OTP: variants seen among roughly 807,000 people sequenced by gnomAD.
The protein encoded by OTP is homeobox protein orthopedia.
Under a neutral mutation model 22.3 loss-of-function variants are expected in OTP, and 5 were observed. That is an observed-to-expected ratio of 0.22 (90% confidence interval 0.12 to 0.47). The LOEUF (loss-of-function observed/expected upper bound fraction) is 0.47. Among genes scored for constraint, OTP ranks in the 20% least tolerant of loss-of-function variants. The pLI is 0.99. For synonymous variants in OTP, 229 were observed against 210.6 expected, an observed-to-expected ratio of 1.09 and a Z score of -0.76; for missense variants, 428 against 456.2, an observed-to-expected ratio of 0.94 and a Z score of 0.56.
chr5:77,636,715 G>C (rs1745013262), intron 2 of OTP, 106 bp downstream of exon 2: 1 of 1,194,870 alleles, frequency 8.4e-7, no homozygotes, highest in South Asian at 1.5e-5. Flanking sequence ...CAGGCAGCCT[G>C]AAAGCAGCCC....
rs1208046985 is a variant in OTP, at chr5:77,637,243, G to C, written c.38-13C>G. On this transcript the variant is annotated splice_polypyrimidine_tract_variant and intron_variant, in intron 1 of 2. Coordinates refer to ENST00000306422, the MANE Select transcript of OTP (RefSeq NM_032109.3). The stretch of plus-strand genomic sequence containing the variant: ...GCATCTTTCATACCTGAGGAGGCAA[G>C]GGGATCGCGGTCACTACTTTCTTGG... The C allele has an allele frequency of 6.8e-7, 1 of 1,476,002 alleles. No homozygotes were observed. The highest frequency in any genetic ancestry group is 2.6e-5 in the Admixed American group (1 of 38,720). 91.4% of individuals were successfully genotyped at this position (1,476,002 alleles called of 1,614,324 possible).
Position 77,630,548 on chromosome 5 carries a change from T to G in OTP, c.694A>C (p.Met232Leu). Residue 232 changes from methionine (M) to leucine (L), a missense_variant, in exon 3 of 3, where the codon ATG becomes CTG. Around this residue, in one of 3 missense-constraint regions of OTP, gnomAD observed 236 missense variants for 238.1 expected, o/e 0.99. Coordinates refer to ENST00000306422, the MANE Select transcript of OTP (RefSeq NM_032109.3). ...LPPALGRQQA[M>L]AQSLSQCSLA... is the part of the protein sequence containing the mutation. Reference sequence around the variant, plus strand: ...CTGCACTGGGACAGCGACTGCGCCATGGCCTGCTGCCTGCCCAGCGCCGGC... The same window carrying G: ...CTGCACTGGGACAGCGACTGCGCCAGGGCCTGCTGCCTGCCCAGCGCCGGC... 1 of 1,576,402 alleles carries G rather than the reference T, an allele frequency of 6.3e-7. No individual in the cohort carries two copies. The highest frequency in any genetic ancestry group is 1.1e-5 in the South Asian group (1 of 86,986).
chr5:77,638,586 A>G lies in OTP; in HGVS notation c.-37T>C. 6.5e-7 allele frequency: 1 copy of G among 1,540,444 alleles called. No individual in the cohort carries two copies. The highest frequency in any genetic ancestry group is 8.7e-7 in the Non-Finnish European group (1 of 1,148,382). On this transcript the variant is annotated 5_prime_UTR_variant, in exon 1 of 3. Transcript: ENST00000306422. The stretch of plus-strand genomic sequence containing the variant: ...CCAGGGCGAAAGCTGTTCCCCCCCA[A>G]ATTTTAGCGGCTTTAAGTTATTTAA...
chr5:77,636,705 C>T, intron 2 of OTP, 116 bp downstream of exon 2: 1 of 1,040,352 alleles, frequency 9.6e-7, no homozygotes. Flanking sequence ...CAGGAACGCA[C>T]AGGCAGCCTG....
At position 77,629,068 on chromosome 5, in the gene OTP, AGG is replaced by A. The variant is rs1418488670; in HGVS notation, c.*1194_*1195del. ...CCCATCGGCTGCCAGCAGGTGGCCG[AGG>A]GGCACGAGGGACGACAGGACCACCA... On this transcript the variant is annotated 3_prime_UTR_variant, in exon 3 of 3. Coordinates refer to ENST00000306422, the MANE Select transcript of OTP (RefSeq NM_032109.3). 1 of 151,908 alleles carries A rather than the reference AGG, an allele frequency of 6.6e-6. No individual in the cohort carries two copies. Among genetic ancestry groups the A allele is most frequent in the African/African-American group, 2.4e-5 (1 of 41,256 alleles). 9.4% of individuals were successfully genotyped at this position (151,908 alleles called of 1,614,324 possible). A position where few individuals can be genotyped will look rare whatever the true frequency, so the allele number is the denominator to read the frequency against.
In OTP at chr5:77,630,109, C is replaced by G; in HGVS notation, c.*155G>C. 2.9e-6 allele frequency: 1 copy of G among 347,796 alleles called. No homozygotes were observed. Among genetic ancestry groups the G allele is most frequent in the Middle Eastern group, 8.5e-4 (1 of 1,170 alleles). 21.5% of individuals were successfully genotyped at this position (347,796 alleles called of 1,614,324 possible). A position where few individuals can be genotyped will look rare whatever the true frequency, so the allele number is the denominator to read the frequency against. On this transcript the variant is annotated 3_prime_UTR_variant, in exon 3 of 3. Coordinates refer to ENST00000306422, the MANE Select transcript of OTP (RefSeq NM_032109.3). ...CGCGGGCTGGGGCTTGGGGTGAGCCCGAGCGAGTGGAGGAGAGAGGCGAGG... is the reference window on the plus strand; with the variant it reads ...CGCGGGCTGGGGCTTGGGGTGAGCCGGAGCGAGTGGAGGAGAGAGGCGAGG...
At position 77,637,245 on chromosome 5, in the gene OTP, G is replaced by C; in HGVS notation, c.38-15C>G. The stretch of plus-strand genomic sequence containing the variant: ...ATCTTTCATACCTGAGGAGGCAAGG[G>C]GATCGCGGTCACTACTTTCTTGGCG... On this transcript the variant is annotated splice_polypyrimidine_tract_variant and intron_variant, in intron 1 of 2. Coordinates refer to ENST00000306422, the MANE Select transcript of OTP (RefSeq NM_032109.3). 1 of 1,475,340 alleles carries C rather than the reference G, an allele frequency of 6.8e-7. No homozygotes were observed. Among genetic ancestry groups the C allele is most frequent in the Non-Finnish European group, 9.0e-7 (1 of 1,113,092 alleles). 91.4% of individuals were successfully genotyped at this position (1,475,340 alleles called of 1,614,324 possible).
At chr5:77,635,813 G>A (rs1246117357) in intron 2 of OTP, 1 of 152,010 alleles carries the variant, frequency 6.6e-6, no homozygotes, top group Non-Finnish European at 1.5e-5. Flanking sequence ...TCAGCACCCT[G>A]GATAGCTCAA....
At chr5:77,635,830 G>C (rs769107239) in intron 2 of OTP, 2 of 151,758 alleles carry the variant, frequency 1.3e-5, no homozygotes, top group Non-Finnish European at 2.9e-5. Context: ...TCAAGAGTGA[G>C]TACCGGCGCT....
intron 2 of OTP, among the ~76,000 whole-genome samples, chr5:77,632,404 C>A (rs1580063064): frequency 1.3e-5 from 2 of 152,226 alleles, no homozygotes; most frequent in East Asian, 3.9e-4. Flanking sequence ...TGAGTTTCCT[C>A]TTAGAATTTG....
At chr5:77,631,733 T>C (rs913318404) in intron 2 of OTP, among the ~76,000 whole-genome samples, 1 of 151,368 alleles carries the variant, frequency 6.6e-6, no homozygotes, top group Non-Finnish European at 1.5e-5. Context: ...CCCAGATAAT[T>C]TTTGTACTTT....
intron 1 of OTP, among the ~76,000 whole-genome samples, chr5:77,638,034 A>T (rs146416105): frequency 0.014 from 2,069 of 152,204 alleles, 108 homozygotes; most frequent in Admixed American, 0.089. Context: ...CAACCAGCAC[A>T]CTTAGCAAAT....
intron 1 of OTP, among the ~76,000 whole-genome samples, chr5:77,638,155 A>C (rs1229921629): frequency 6.6e-6 from 1 of 150,740 alleles, no homozygotes; most frequent in Non-Finnish European, 1.5e-5. Context: ...GGGGGGAGGG[A>C]AGGAGAAAGA....
chr5:77,630,498 G>C lies in OTP; in HGVS notation c.744C>G (p.Asn248Lys), dbSNP rs765186282. The change falls in exon 3 of 3, where the codon AAC becomes AAG. Residue 248 changes from asparagine to lysine, a missense_variant. Asn to Lys is a moderately conservative substitution (Grantham distance 94). This residue lies in a region of OTP where 236 missense variants were observed against 238.1 expected (regional missense o/e 0.99). Transcript: ENST00000306422. ...CCAGGCTGTTGGACAGGCCCATGGA[G>C]TTGGGCGGCGGACCGGCCGCCAGGC... Reference protein sequence around the residue: ...QCSLAAGPPPNSMGLSNSLAG... With the variant: ...QCSLAAGPPPKSMGLSNSLAG... The C allele has an allele frequency of 6.9e-6, 11 of 1,593,272 alleles. No homozygotes were observed. In the Admixed American group the frequency reaches 1.9e-4, roughly 28 times the overall value.
intron 2 of OTP, 41 bp from the exon 3 acceptor site, chr5:77,630,835 C>T (rs766811700): frequency 3.4e-6 from 5 of 1,487,442 alleles, no homozygotes; most frequent in Admixed American, 2.3e-5. Flanking sequence ...GAGCTATTAG[C>T]CGGCCCGGCG....
chr5:77,637,154 G>A lies in OTP; in HGVS notation c.114C>T (p.Pro38=), dbSNP rs995976957. Residue 38 remains proline (P), a synonymous_variant, in exon 2 of 3, where the codon CCC becomes CCT. Coordinates refer to ENST00000306422, the MANE Select transcript of OTP (RefSeq NM_032109.3). ...KCRLGVGGSD[P]GGHPGDLAPN... is the part of the protein sequence containing the mutation. ...GCGCCAGGTCCCCCGGATGGCCCCC[G>A]GGGTCGGAGCCCCCCACGCCCAGCC... 3.8e-6 allele frequency: 6 copies of A among 1,587,414 alleles called. No homozygotes were observed. The African/African-American group carries it at 5.4e-5, about 14-fold the overall frequency.
intron 1 of OTP, among the ~76,000 whole-genome samples, 159 bp from the exon 2 acceptor site, chr5:77,637,389 T>C (rs1745027179): frequency 6.6e-6 from 1 of 152,244 alleles, no homozygotes; most frequent in East Asian, 1.9e-4. Context: ...TTCCCCAGAA[T>C]TTGGACAGCC....
At chr5:77,631,271 G>A (rs1168822167) in intron 2 of OTP, among the ~76,000 whole-genome samples, 4 of 152,226 alleles carry the variant, frequency 2.6e-5, no homozygotes, top group Non-Finnish European at 2.9e-5. Context: ...ATTGATGACA[G>A]GCTGTGGATG....
Position 77,630,544 on chromosome 5 carries a change from G to C in OTP, c.698C>G (p.Ala233Gly), listed in dbSNP as rs1411220819. Residue 233 changes from alanine to glycine, a missense_variant, in exon 3 of 3, where the codon GCG becomes GGG. By Grantham distance (60) the Ala-to-Gly change is moderately conservative. Coordinates refer to ENST00000306422, the MANE Select transcript of OTP (RefSeq NM_032109.3). ...PPALGRQQAM[A>G]QSLSQCSLAA... is the part of the protein sequence containing the mutation. ...CAGGCTGCACTGGGACAGCGACTGC[G>C]CCATGGCCTGCTGCCTGCCCAGCGC... is the stretch of plus-strand genomic sequence containing the variant. 6 of 1,577,434 alleles carry C rather than the reference G, an allele frequency of 3.8e-6. No individual in the cohort carries two copies. In the Admixed American group the frequency reaches 5.4e-5, roughly 14 times the overall value.
Sources: gnomAD v4.1 joint callset for allele counts (sites outside exome capture counted in the v4.1 genomes callset) on GRCh38, gnomAD v4.1.1 for gene constraint, gnomAD v4.1.1 regional missense constraint, MANE v1.5 for transcripts, NCBI Gene and HGNC (gene_info 2026-07-23, HGNC 2026-07-21) for gene names.